The following SNX14 variants were observed in gnomAD, a reference collection of about 807,000 sequenced individuals.
SNX14 encodes sorting nexin-14.
SNX14 carries 93 observed loss-of-function variants against 133.8 expected under a neutral mutation model. The ratio of observed to expected loss-of-function variants is 0.70; its 90% confidence interval spans 0.59 to 0.83. The LOEUF (loss-of-function observed/expected upper bound fraction) is 0.83. Ranked by LOEUF, SNX14 falls within the 40% of genes least tolerant of loss-of-function variation. The pLI is 0.00. For missense variants in SNX14, 945 were observed against 1,094.9 expected, an observed-to-expected ratio of 0.86 and a Z score of 1.93; for synonymous variants, 368 against 365.6, an observed-to-expected ratio of 1.01 and a Z score of -0.07.
At chr6:85,548,169 G>C (rs1786381527) in intron 9 of SNX14, 132 bp downstream of exon 9, 8 of 640,280 alleles carry the variant, frequency 1.2e-5, no homozygotes, top group Non-Finnish European at 2.2e-5. Context: ...TCTGGAGATG[G>C]GGAATGGGGA....
chr6:85,572,423 A>G, intron 2 of SNX14, 49 bp from the exon 3 acceptor site: 6 of 1,339,124 alleles, frequency 4.5e-6, no homozygotes, highest in Non-Finnish European at 6.3e-6. Context: ...TTTACATAAC[A>G]TCTTTATTTA....
At chr6:85,562,362 G>A (rs1285548409) in intron 6 of SNX14, among the ~76,000 whole-genome samples, 1 of 152,018 alleles carries the variant, frequency 6.6e-6, no homozygotes, top group Non-Finnish European at 1.5e-5. Flanking sequence ...ATTCCCACCA[G>A]CAGCATATGA....
intron 1 of SNX14, among the ~76,000 whole-genome samples, chr6:85,588,698 C>A (rs968716960): frequency 2.0e-5 from 3 of 152,202 alleles, no homozygotes; most frequent in Non-Finnish European, 4.4e-5. Flanking sequence ...TCCCCCAAAA[C>A]TTAACTCCTA....
chr6:85,542,895 T>C (rs1280179539), intron 14 of SNX14, among the ~76,000 whole-genome samples: 2 of 152,034 alleles, frequency 1.3e-5, no homozygotes, highest in African/African-American at 2.4e-5. Context: ...GCCTCCTGAG[T>C]AACTGAGATT....
intron 6 of SNX14, among the ~76,000 whole-genome samples, chr6:85,560,158 T>C (rs1316632883): frequency 6.6e-6 from 1 of 151,924 alleles, no homozygotes; most frequent in Non-Finnish European, 1.5e-5. Context: ...TAAGTGAAAA[T>C]ATATATCCGA....
intron 4 of SNX14, 48 bp from the exon 5 acceptor site, chr6:85,567,625 T>C: frequency 1.5e-6 from 2 of 1,290,580 alleles, no homozygotes; most frequent in African/African-American, 1.6e-5. Context: ...AATTAGTTTT[T>C]GGAAAATAAA....
At chr6:85,508,674 G>A (rs891924238) in intron 26 of SNX14, among the ~76,000 whole-genome samples, 20 of 152,006 alleles carry the variant, frequency 1.3e-4, no homozygotes, top group Non-Finnish European at 1.0e-4. Context: ...ATCATTTTGG[G>A]AAATATAACA....
chr6:85,571,312 A>C (rs1335892204), intron 4 of SNX14, among the ~76,000 whole-genome samples: 1 of 149,446 alleles, frequency 6.7e-6, no homozygotes, highest in Non-Finnish European at 1.5e-5. Flanking sequence ...ATGAGGTGAG[A>C]TCGCACCACT....
rs549720600 is a variant in SNX14, at chr6:85,552,777, C to A, written c.635-2898G>T. Among the ~76,000 whole-genome samples the A allele has an allele frequency of 5.9e-5, 9 of 152,268 alleles. No individual in the cohort carries two copies. In the South Asian group the frequency reaches 1.9e-3, roughly 32 times the overall value. On this transcript the variant is annotated intron_variant, in intron 7 of 28. Coordinates refer to ENST00000314673, the MANE Select transcript of SNX14 (RefSeq NM_153816.6). ...GAATTGAGGACTGAACTCTAACCAC[C>A]GTTCTTTGTTCTAAATTTCTTCCTG...
At chr6:85,551,818 T>C (rs566955585) in intron 7 of SNX14, among the ~76,000 whole-genome samples, 1 of 152,354 alleles carries the variant, frequency 6.6e-6, no homozygotes, top group East Asian at 1.9e-4. Flanking sequence ...TAGAAACCCA[T>C]GAAAGGATAG....
intron 6 of SNX14, among the ~76,000 whole-genome samples, chr6:85,564,095 A>G (rs543561317): frequency 2.0e-5 from 3 of 152,356 alleles, no homozygotes; most frequent in Non-Finnish European, 4.4e-5. Flanking sequence ...TACAAAGGAC[A>G]TGAACTCATC....
At chr6:85,575,647 T>C (rs1797088690) in intron 1 of SNX14, among the ~76,000 whole-genome samples, 1 of 152,174 alleles carries the variant, frequency 6.6e-6, no homozygotes, top group Admixed American at 6.5e-5. Flanking sequence ...ACAGAAGAAA[T>C]AGCTGACTGT....
At chr6:85,547,636 A>C in intron 9 of SNX14, 86 bp from the exon 10 acceptor site, 2 of 1,161,260 alleles carry the variant, frequency 1.7e-6, no homozygotes, top group South Asian at 1.7e-5. Context: ...ATATTATGTA[A>C]GTTTCTAGAA....
intron 1 of SNX14, among the ~76,000 whole-genome samples, chr6:85,592,383 T>C (rs536603836): frequency 2.6e-5 from 4 of 152,328 alleles, no homozygotes; most frequent in African/African-American, 9.6e-5. Context: ...GGGAATCAAC[T>C]ACCTTAAGAT....
At chr6:85,508,264 A>G (rs1368649387) in intron 26 of SNX14, 4 of 1,177,164 alleles carry the variant, frequency 3.4e-6, no homozygotes, top group Admixed American at 4.4e-5. Context: ...CATGTATCCC[A>G]TTTTTGGAGA....
intron 2 of SNX14, 27 bp from the exon 3 acceptor site, chr6:85,572,401 G>A (rs749541280): frequency 2.0e-6 from 3 of 1,522,820 alleles, no homozygotes; most frequent in Non-Finnish European, 1.8e-6. Context: ...AGAGGTGGTG[G>A]GGAGATCCAT....
chr6:85,590,925 T>C (rs1299082208), intron 1 of SNX14, among the ~76,000 whole-genome samples: 1 of 152,240 alleles, frequency 6.6e-6, no homozygotes, highest in Non-Finnish European at 1.5e-5. Context: ...CAATCACAGC[T>C]GCAAACCTCA....
At chr6:85,547,031 A>C in intron 12 of SNX14, 81 bp downstream of exon 12, 1 of 977,696 alleles carries the variant, frequency 1.0e-6, no homozygotes, top group Non-Finnish European at 1.5e-6. Flanking sequence ...TGGGTACCAC[A>C]ACATCAGATC....
At chr6:85,542,685 C>CG (rs1288216263) in intron 14 of SNX14, among the ~76,000 whole-genome samples, 4 of 152,128 alleles carry the variant, frequency 2.6e-5, no homozygotes, top group African/African-American at 9.7e-5. Context: ...TGAGCCACCA[C>CG]ACCCGGCCTT....
Sources: allele counts gnomAD v4.1 joint callset (sites outside exome capture counted in the v4.1 genomes callset), GRCh38; gene constraint gnomAD v4.1.1; transcripts MANE v1.5; gene names NCBI Gene and HGNC (gene_info 2026-07-23, HGNC 2026-07-21).